The following TTC39C variants were observed in gnomAD, a reference collection of about 807,000 sequenced individuals.
The protein encoded by TTC39C is tetratricopeptide repeat domain 39C.
TTC39C carries 33 observed loss-of-function variants against 76.3 expected under a neutral mutation model. That is an observed-to-expected ratio of 0.43 (90% CI 0.33 to 0.58). The LOEUF is 0.58. Ranked by LOEUF, TTC39C falls within the 20% of genes least tolerant of loss-of-function variation. The probability of loss-of-function intolerance (pLI) is 0.04; values close to 1 mark genes in which losing one functional copy is unlikely to be tolerated. For synonymous variants in TTC39C, 254 were observed against 260.6 expected, an observed-to-expected ratio of 0.97 and a Z score of 0.24; for missense variants, 595 against 701.4, an observed-to-expected ratio of 0.85 and a Z score of 1.71.
chr18:24,029,195 T>C (rs1294494140), intron 1 of TTC39C, among the ~76,000 whole-genome samples: 4 of 151,530 alleles, frequency 2.6e-5, no homozygotes, highest in Non-Finnish European at 5.9e-5. Flanking sequence ...CTCTGCCTCC[T>C]GAGTTCAAGC....
chr18:24,024,718 T>C (rs1285105450), intron 1 of TTC39C, among the ~76,000 whole-genome samples: 1 of 152,168 alleles, frequency 6.6e-6, no homozygotes, highest in African/African-American at 2.4e-5. Context: ...CCAACAACTT[T>C]AGAGACCATT....
chr18:24,047,672 T>A (rs973974899), intron 1 of TTC39C, among the ~76,000 whole-genome samples: 1 of 152,182 alleles, frequency 6.6e-6, no homozygotes, highest in Non-Finnish European at 1.5e-5. Context: ...AAACCTATGC[T>A]TGTAACAACA....
chr18:24,029,654 C>T (rs2083643955), intron 1 of TTC39C, among the ~76,000 whole-genome samples: 1 of 145,484 alleles, frequency 6.9e-6, no homozygotes, highest in Admixed American at 7.1e-5. Context: ...ATCCTTCAGC[C>T]TCCCACCCTT....
chr18:24,008,178 C>G (rs927265905), intron 1 of TTC39C, among the ~76,000 whole-genome samples: 20 of 152,200 alleles, frequency 1.3e-4, no homozygotes, highest in African/African-American at 4.6e-4. Context: ...CTCACCCTCA[C>G]CATTCAACTT....
intron 1 of TTC39C, among the ~76,000 whole-genome samples, chr18:24,053,085 TGA>T (rs1490368282): frequency 6.6e-6 from 1 of 152,214 alleles, no homozygotes; most frequent in Non-Finnish European, 1.5e-5. Flanking sequence ...AAGGAAGCAT[TGA>T]GAGGACTTTT....
At chr18:24,019,167 T>G (rs1029460175) in intron 1 of TTC39C, among the ~76,000 whole-genome samples, 3 of 152,252 alleles carry the variant, frequency 2.0e-5, no homozygotes, top group South Asian at 2.1e-4. Flanking sequence ...CTGACCCAAA[T>G]GAGCTTCGCA....
intron 1 of TTC39C, among the ~76,000 whole-genome samples, chr18:24,008,769 A>G (rs1053007589): frequency 1.3e-5 from 2 of 152,258 alleles, no homozygotes; most frequent in Non-Finnish European, 2.9e-5. Flanking sequence ...CTGCAGCACT[A>G]TTCACAGTAA....
chr18:24,076,359 T>A (rs1036203954), intron 4 of TTC39C, among the ~76,000 whole-genome samples: 13 of 152,180 alleles, frequency 8.5e-5, no homozygotes, highest in African/African-American at 2.9e-4. Context: ...ATACTTGACC[T>A]TTCAGAGCAG....
intron 6 of TTC39C, among the ~76,000 whole-genome samples, chr18:24,098,611 T>C (rs1240329839): frequency 1.4e-5 from 2 of 142,372 alleles, no homozygotes; most frequent in African/African-American, 5.2e-5. Context: ...TTCTTTCTTC[T>C]TTTCTCTTCT....
intron 5 of TTC39C, among the ~76,000 whole-genome samples, chr18:24,082,352 TTG>T (rs2084387754): frequency 6.6e-6 from 1 of 152,112 alleles, no homozygotes; most frequent in African/African-American, 2.4e-5. Context: ...TTAGTATAAT[TTG>T]TGTCTGTGGT....
intron 4 of TTC39C, among the ~76,000 whole-genome samples, chr18:24,074,032 G>GTGCTGGTAGTCGTGAGATGATAGT (rs2084273576): frequency 6.6e-6 from 1 of 152,228 alleles, no homozygotes; most frequent in African/African-American, 2.4e-5. Context: ...GAGATGATAG[G>GTGCTGGTAGTCGTGAGATGATAGT]TGCTGGTAGT....
intron 1 of TTC39C, among the ~76,000 whole-genome samples, chr18:23,999,342 C>T (rs1484810682): frequency 6.6e-6 from 1 of 152,078 alleles, no homozygotes; most frequent in Non-Finnish European, 1.5e-5. Flanking sequence ...GGCCAGGGTG[C>T]CACAGAAACC....
At chr18:24,033,125 T>C (rs1199286308) in intron 1 of TTC39C, among the ~76,000 whole-genome samples, 1 of 152,160 alleles carries the variant, frequency 6.6e-6, no homozygotes, top group African/African-American at 2.4e-5. Context: ...TGGTGGCACA[T>C]GCCTATAATC....
Position 24,009,748 on chromosome 18 carries a change from C to T in TTC39C, c.-17+16710C>T, listed in dbSNP as rs1392050983. On this transcript the variant is annotated intron_variant, in intron 1 of 13. Coordinates refer to the TTC39C transcript ENST00000304621. ...CAATGCCTTCTTCCCCAGTTTTGTCCCTGACTCTCTACAGCAGCAGAACAA... is the reference window on the plus strand; with the variant it reads ...CAATGCCTTCTTCCCCAGTTTTGTCTCTGACTCTCTACAGCAGCAGAACAA... Among the ~76,000 whole-genome samples the T allele has an allele frequency of 5.9e-5, 9 of 152,318 alleles. No individual in the cohort carries two copies. The South Asian group carries it at 1.9e-3, about 32-fold the overall frequency.
chr18:24,018,615 C>T (rs1180714904), intron 1 of TTC39C, among the ~76,000 whole-genome samples: 1 of 152,028 alleles, frequency 6.6e-6, no homozygotes, highest in East Asian at 1.9e-4. Flanking sequence ...CAGCGTCTAA[C>T]TCAGCCTGAA....
chr18:24,028,421 T>G (rs147949402), intron 1 of TTC39C, among the ~76,000 whole-genome samples: 2 of 152,324 alleles, frequency 1.3e-5, no homozygotes, highest in Non-Finnish European at 1.5e-5. Context: ...GGAAGAATGT[T>G]GATTTGTAAA....
At chr18:24,091,097 A>G (rs1399474906) in intron 6 of TTC39C, among the ~76,000 whole-genome samples, 1 of 152,102 alleles carries the variant, frequency 6.6e-6, no homozygotes, top group Non-Finnish European at 1.5e-5. Flanking sequence ...GTAAGCCGCC[A>G]CGCCCGGCCT....
chr18:24,063,885 G>C (rs2084132830), intron 1 of TTC39C, among the ~76,000 whole-genome samples: 1 of 152,132 alleles, frequency 6.6e-6, no homozygotes, highest in African/African-American at 2.4e-5. Flanking sequence ...CTAAGGCAGT[G>C]TCTGTTATAA....
intron 1 of TTC39C, among the ~76,000 whole-genome samples, chr18:24,044,985 C>T (rs759591181): frequency 2.0e-4 from 30 of 151,892 alleles, no homozygotes; most frequent in South Asian, 6.3e-4. Context: ...GTAGAGTCTC[C>T]GGGCCAGGTG....
Sources: allele counts gnomAD v4.1 joint callset (sites outside exome capture counted in the v4.1 genomes callset), GRCh38; gene constraint gnomAD v4.1.1; transcripts MANE v1.5; gene names NCBI Gene and HGNC (gene_info 2026-07-23, HGNC 2026-07-21).